Variants in C10orf143 observed in about 807,000 individuals in gnomAD.
The protein encoded by C10orf143 is uncharacterized protein C10orf143.
chr10:130,090,149 G>C (rs919486238), intron 1 of C10orf143, among the ~76,000 whole-genome samples: 1 of 152,202 alleles, frequency 6.6e-6, no homozygotes, highest in African/African-American at 2.4e-5. Context: ...AACAGCTCCA[G>C]TCTGCAGCTC....
At chr10:130,069,816 C>T (rs887037963) in intron 3 of C10orf143, among the ~76,000 whole-genome samples, 6 of 151,806 alleles carry the variant, frequency 4.0e-5, no homozygotes, top group Non-Finnish European at 8.8e-5. Context: ...CTGGAAATAA[C>T]AATTTAGATT....
downstream of C10orf143, among the ~76,000 whole-genome samples, chr10:130,060,712 T>TA (rs1166407578): frequency 6.7e-6 from 1 of 149,462 alleles, no homozygotes; most frequent in Non-Finnish European, 1.5e-5. Flanking sequence ...CAGTCCCAGC[T>TA]ATCGGGAGGC....
intron 3 of C10orf143, among the ~76,000 whole-genome samples, chr10:130,045,886 G>C (rs1860663718): frequency 6.6e-6 from 1 of 152,190 alleles, no homozygotes; most frequent in Non-Finnish European, 1.5e-5. Context: ...CCGTCGTGTG[G>C]AGAACGTGCC....
At chr10:130,044,485 C>G (rs186369964) in intron 3 of C10orf143, among the ~76,000 whole-genome samples, 237 of 152,266 alleles carry the variant, frequency 1.6e-3, no homozygotes, top group African/African-American at 5.6e-3. Flanking sequence ...CCAGGGCTGC[C>G]AGGGAGCCAG....
At chr10:130,088,749 G>A (rs749438851) in intron 1 of C10orf143, among the ~76,000 whole-genome samples, 12 of 152,200 alleles carry the variant, frequency 7.9e-5, no homozygotes, top group Non-Finnish European at 1.8e-4. Context: ...TTGAGAAGGC[G>A]CCACAGATTG....
chr10:130,072,300 T>G (rs892513247), intron 3 of C10orf143, among the ~76,000 whole-genome samples: 1 of 152,224 alleles, frequency 6.6e-6, no homozygotes, highest in African/African-American at 2.4e-5. Flanking sequence ...ACATATGCCT[T>G]TCTTCAATTC....
chr10:130,108,396 T>G (rs760689576), intron 1 of C10orf143: 16 of 979,940 alleles, frequency 1.6e-5, no homozygotes, highest in Non-Finnish European at 2.5e-5. Context: ...CCTTCAGGGC[T>G]GATTCCGCCT....
intron 1 of C10orf143, among the ~76,000 whole-genome samples, chr10:130,084,009 C>A (rs1049382049): frequency 3.9e-5 from 6 of 152,090 alleles, no homozygotes; most frequent in African/African-American, 1.2e-4. Flanking sequence ...CCCCAAATAA[C>A]TTTTAAAAAT....
intron 3 of C10orf143, among the ~76,000 whole-genome samples, chr10:130,074,035 A>G (rs1346594594): frequency 6.6e-6 from 1 of 152,178 alleles, no homozygotes; most frequent in East Asian, 1.9e-4. Context: ...CCGGGGATGA[A>G]GTCCACAAAA....
downstream of C10orf143, among the ~76,000 whole-genome samples, chr10:130,060,020 T>G (rs1046263578): frequency 9.2e-5 from 14 of 151,580 alleles, no homozygotes; most frequent in African/African-American, 3.4e-4. Flanking sequence ...TGCAGTCATA[T>G]TCTGTCTGGT....
Position 130,108,643 on chromosome 10 carries a change from G to A in C10orf143, c.69+2061C>T, listed in dbSNP as rs138337257. On this transcript the variant is annotated intron_variant, in intron 1 of 3. Coordinates refer to ENST00000637128, the MANE Select transcript of C10orf143 (RefSeq NM_001355042.2). ...AAATTATTTCCATTGTATTTTATTC[G>A]ATAGTATAACTATTTTAATTTGATT... 8.5e-5 allele frequency among the ~76,000 whole-genome samples: 13 copies of A among 152,118 alleles called. No homozygotes were observed. The East Asian group carries it at 2.3e-3, about 27-fold the overall frequency.
intron 3 of C10orf143, among the ~76,000 whole-genome samples, chr10:130,037,798 T>C (rs1340552317): frequency 6.6e-6 from 1 of 152,186 alleles, no homozygotes; most frequent in African/African-American, 2.4e-5. Context: ...CTTCATGAAG[T>C]GTCCTTCTGG....
rs7917057 is a variant in C10orf143 at position 130,078,670 on chromosome 10, G to A, written c.297+896C>T. 6.0e-3 allele frequency among the ~76,000 whole-genome samples: 912 copies of A among 152,226 alleles called. 10 individuals are homozygous for A. Among genetic ancestry groups the A allele is most frequent in the African/African-American group, 0.02 (849 of 41,530 alleles). On this transcript the variant is annotated intron_variant, in intron 3 of 3. Coordinates refer to ENST00000637128, the MANE Select transcript of C10orf143 (RefSeq NM_001355042.2). The stretch of plus-strand genomic sequence containing the variant: ...AGAGGTTCACCCTGTCATCAGACAC[G>A]GTGATGGCTGTCATGGTTTCAGGTC...
At chr10:130,075,796 T>C (rs1861106325) in intron 3 of C10orf143, among the ~76,000 whole-genome samples, 1 of 151,918 alleles carries the variant, frequency 6.6e-6, no homozygotes, top group Admixed American at 6.6e-5. Context: ...GCTCTCTCTC[T>C]CTCCTGCTGC....
At chr10:130,074,368 A>G (rs1038862884) in intron 3 of C10orf143, among the ~76,000 whole-genome samples, 2 of 152,208 alleles carry the variant, frequency 1.3e-5, no homozygotes, top group Non-Finnish European at 2.9e-5. Flanking sequence ...AGAATGATCA[A>G]TGAAGTTCCC....
chr10:130,074,643 G>C (rs1466747004), intron 3 of C10orf143, among the ~76,000 whole-genome samples: 1 of 152,134 alleles, frequency 6.6e-6, no homozygotes, highest in Non-Finnish European at 1.5e-5. Context: ...TGGGTTCCAA[G>C]GCTTCCTGTT....
At chr10:130,110,579 G>A (rs1861748394) in intron 1 of C10orf143, 125 bp downstream of exon 1, 1 of 397,384 alleles carries the variant, frequency 2.5e-6, no homozygotes, top group Non-Finnish European at 4.4e-6. Context: ...GTACGCGAGC[G>A]TGCGAGTGTC....
At chr10:130,045,126 T>G (rs564668964) in intron 3 of C10orf143, among the ~76,000 whole-genome samples, 3 of 152,112 alleles carry the variant, frequency 2.0e-5, no homozygotes, top group Non-Finnish European at 4.4e-5. Flanking sequence ...ATGGAGAAAG[T>G]TTAGGACCTG....
chr10:130,068,958 A>G (rs943892316), intron 3 of C10orf143, among the ~76,000 whole-genome samples: 7 of 152,204 alleles, frequency 4.6e-5, no homozygotes, highest in Middle Eastern at 3.2e-3. Context: ...GAGGAAAAGG[A>G]CACAGAGAAA....
Sources: gnomAD v4.1 joint callset for allele counts (sites outside exome capture counted in the v4.1 genomes callset) on GRCh38, gnomAD v4.1.1 for gene constraint, MANE v1.5 for transcripts, NCBI Gene and HGNC (gene_info 2026-07-23, HGNC 2026-07-21) for gene names.